The following NDUFA7 variants were observed in gnomAD, a reference collection of about 807,000 sequenced individuals.
The protein encoded by NDUFA7 is NADH dehydrogenase [ubiquinone] 1 alpha subcomplex subunit 7.
In NDUFA7, 18 loss-of-function variants were observed where a neutral mutation model predicts 14.2. The ratio of observed to expected loss-of-function variants is 1.27; its 90% CI spans 0.88 to 1.88. The LOEUF (loss-of-function observed/expected upper bound fraction) is 1.88, where lower values mean the gene tolerates loss of function less well. NDUFA7 is among the 40% of genes most tolerant of loss of function. The pLI is 0.00. For synonymous variants in NDUFA7, 75 were observed against 62.1 expected (o/e 1.21, Z -0.98); for missense variants, 172 against 147.3 (o/e 1.17, Z -0.87).
intron 2 of NDUFA7, among the ~76,000 whole-genome samples, chr19:8,317,715 C>T (rs935434515): frequency 2.0e-5 from 3 of 152,150 alleles, no homozygotes; most frequent in Non-Finnish European, 2.9e-5. Flanking sequence ...ATCATATGAT[C>T]GCTTGAGGTG....
At chr19:8,309,457 G>C (rs1342477940), downstream of NDUFA7, among the ~76,000 whole-genome samples, 4 of 151,542 alleles carry the variant, frequency 2.6e-5, 1 homozygote, top group Middle Eastern at 6.8e-3. Flanking sequence ...CTGGGTGACA[G>C]AGTGAGACTC....
intron 2 of NDUFA7, among the ~76,000 whole-genome samples, chr19:8,320,442 G>T (rs770698469): frequency 8.5e-5 from 13 of 152,134 alleles, no homozygotes; most frequent in Non-Finnish European, 1.6e-4. Flanking sequence ...CATGACGGGG[G>T]CTTGTAAATA....
At chr19:8,318,119 G>T (rs887301123) in intron 2 of NDUFA7, among the ~76,000 whole-genome samples, 1 of 152,146 alleles carries the variant, frequency 6.6e-6, no homozygotes, top group African/African-American at 2.4e-5. Context: ...GGAGGCCAAG[G>T]TGGAAGGATT....
chr19:8,313,840 G>A (rs1407271199), intron 3 of NDUFA7, among the ~76,000 whole-genome samples: 1 of 152,232 alleles, frequency 6.6e-6, no homozygotes, highest in Non-Finnish European at 1.5e-5. Flanking sequence ...TTATTAGGAG[G>A]TAGGCAGGAC....
intron 1 of NDUFA7, 50 bp from the exon 2 acceptor site, chr19:8,320,956 A>C: frequency 6.2e-7 from 1 of 1,602,164 alleles, no homozygotes; most frequent in East Asian, 2.2e-5. Context: ...CCCAGGAGAG[A>C]GGAAAGGAGA....
At position 8,316,582 on chromosome 19, in the gene NDUFA7, G is replaced by A. The variant is rs547697707; in HGVS notation, c.165C>T (p.Cys55=). 6 of 1,614,176 alleles carry A rather than the reference G, an allele frequency of 3.7e-6. No individual in the cohort carries two copies. In the South Asian group the frequency reaches 5.5e-5, roughly 15 times the overall value. The change falls in exon 3 of 4, where the codon TGC becomes TGT. Residue 55 remains cysteine, a synonymous_variant. Coordinates refer to ENST00000301457, the MANE Select transcript of NDUFA7 (RefSeq NM_005001.5). The part of the protein sequence containing the change: ...PSHKLSNNYY[C]TRDGRRESVP... Reference sequence around the variant, plus strand: ...CAGATTCCCGGCGGCCATCGCGAGTGCAATAGTAATTGTTGGAGAGCTTGT... The same window carrying A: ...CAGATTCCCGGCGGCCATCGCGAGTACAATAGTAATTGTTGGAGAGCTTGT...
Position 8,320,035 on chromosome 19 carries a change from G to A in NDUFA7, c.101+822C>T, listed in dbSNP as rs183474655. 4.3e-4 allele frequency among the ~76,000 whole-genome samples: 65 copies of A among 152,106 alleles called. 1 individual carries two copies. In the East Asian group the frequency reaches 7.2e-3, roughly 17 times the overall value. ...TAATTTTTGTATTTCTAGTAGAGAG[G>A]GGGTTTTACTGTGTTTCACTGTGTT... is the stretch of plus-strand genomic sequence containing the variant. On this transcript the variant is annotated intron_variant, in intron 2 of 3. Transcript: ENST00000301457.
At chr19:8,308,926 A>G (rs1292654058), downstream of NDUFA7, 2 of 152,188 alleles carry the variant, frequency 1.3e-5, no homozygotes, top group Non-Finnish European at 2.9e-5. Flanking sequence ...AATTAATTAA[A>G]TTTAATAATA....
At chr19:8,317,235 G>C (rs1304946451) in intron 2 of NDUFA7, among the ~76,000 whole-genome samples, 1 of 152,056 alleles carries the variant, frequency 6.6e-6, no homozygotes, top group Non-Finnish European at 1.5e-5. Context: ...CTAAACCCTG[G>C]GCTGGATTTA....
At chr19:8,313,470 T>C (rs1970201350) in intron 3 of NDUFA7, among the ~76,000 whole-genome samples, 1 of 152,056 alleles carries the variant, frequency 6.6e-6, no homozygotes. Context: ...GACCTGGTGA[T>C]CCGCCCTCCC....
At chr19:8,317,119 T>C (rs189958522) in intron 2 of NDUFA7, among the ~76,000 whole-genome samples, 1 of 152,246 alleles carries the variant, frequency 6.6e-6, no homozygotes, top group East Asian at 1.9e-4. Context: ...AAGAACACCT[T>C]AGCCTTGGAG....
intron 1 of NDUFA7, 133 bp from the exon 2 acceptor site, chr19:8,321,039 G>A (rs1970300582): frequency 9.4e-7 from 1 of 1,064,370 alleles, no homozygotes; most frequent in Admixed American, 2.0e-5. Flanking sequence ...CGGGGAAACG[G>A]ATGTGGGTCC....
chr19:8,318,721 C>G (rs1970265220), intron 2 of NDUFA7, among the ~76,000 whole-genome samples: 1 of 146,222 alleles, frequency 6.8e-6, no homozygotes, highest in African/African-American at 2.5e-5. Flanking sequence ...CACCTGTAAT[C>G]CCAGCACTTT....
In NDUFA7 at chr19:8,311,367, C is replaced by G; in HGVS notation, c.*138G>C. The G allele has an allele frequency of 2.9e-6, 2 of 684,346 alleles. 1 individual carries two copies. The highest frequency in any genetic ancestry group is 4.0e-5 in the South Asian group (2 of 50,354). 42.4% of individuals were successfully genotyped at this position (684,346 alleles called of 1,614,324 possible). A position where few individuals can be genotyped will look rare whatever the true frequency, so the allele number is the denominator to read the frequency against. Reference sequence around the variant, plus strand: ...TCAGCCTGGGAAACATGGTGAGACTCTGTCTCTATTTTTTTATTTTTTAAA... The same window carrying G: ...TCAGCCTGGGAAACATGGTGAGACTGTGTCTCTATTTTTTTATTTTTTAAA... On this transcript the variant is annotated 3_prime_UTR_variant, in exon 4 of 4. Transcript: ENST00000301457.
downstream of NDUFA7, among the ~76,000 whole-genome samples, chr19:8,310,295 G>A (rs527718924): frequency 2.0e-4 from 30 of 147,578 alleles, 1 homozygote; most frequent in African/African-American, 7.6e-4. Context: ...CTGGGCTTGT[G>A]GCAGGCGCCT....
At chr19:8,320,011 A>G (rs1351088718) in intron 2 of NDUFA7, among the ~76,000 whole-genome samples, 4 of 151,832 alleles carry the variant, frequency 2.6e-5, no homozygotes, top group African/African-American at 9.7e-5. Flanking sequence ...ACGCCCGGCT[A>G]ATTTTTGTAT....
intron 3 of NDUFA7, among the ~76,000 whole-genome samples, chr19:8,316,147 T>TCAAAAGA: frequency 2.0e-5 from 1 of 49,882 alleles, no homozygotes; most frequent in African/African-American, 1.2e-4. Context: ...AGACTCCGTC[T>TCAAAAGA]CAAAAAAAAA....
downstream of NDUFA7, chr19:8,310,439 AAAG>A (rs975997165): frequency 2.0e-5 from 3 of 152,684 alleles, no homozygotes; most frequent in African/African-American, 7.2e-5. Context: ...CAAAAAAAAA[AAAG>A]AAGTGAGAAG....
chr19:8,312,312 G>A, intron 3 of NDUFA7, among the ~76,000 whole-genome samples: 1 of 152,292 alleles, frequency 6.6e-6, no homozygotes, highest in East Asian at 1.9e-4. Context: ...AGGGGTGGAG[G>A]CACAGGACCT....
Sources: allele counts gnomAD v4.1 joint callset (sites outside exome capture counted in the v4.1 genomes callset), GRCh38; gene constraint gnomAD v4.1.1; transcripts MANE v1.5; gene names NCBI Gene and HGNC (gene_info 2026-07-23, HGNC 2026-07-21).